The following HACD2 variants were observed in gnomAD, a reference collection of about 807,000 sequenced individuals.
The protein encoded by HACD2 is 3-hydroxyacyl-CoA dehydratase 2, also known as very-long-chain (3R)-3-hydroxyacyl-CoA dehydratase 2.
HACD2 carries 15 observed loss-of-function variants against 31.0 expected under a neutral mutation model. That is an observed-to-expected ratio of 0.48 (90% CI 0.32 to 0.75). HACD2 has a LOEUF of 0.75. Among genes scored for constraint, HACD2 ranks in the 30% least tolerant of loss-of-function variants. The pLI is 0.03. For synonymous variants in HACD2, 115 were observed against 122.2 expected (o/e 0.94, Z 0.39); for missense variants, 283 against 313.0 (o/e 0.90, Z 0.72).
At chr3:123,519,128 G>GC (rs1358949857) in intron 4 of HACD2, among the ~76,000 whole-genome samples, 1 of 151,594 alleles carries the variant, frequency 6.6e-6, no homozygotes, top group African/African-American at 2.4e-5. Context: ...AATGTGGCAA[G>GC]CCTAATAATT....
At chr3:123,564,616 A>G (rs2056771586) in intron 3 of HACD2, among the ~76,000 whole-genome samples, 1 of 152,136 alleles carries the variant, frequency 6.6e-6, no homozygotes, top group Non-Finnish European at 1.5e-5. Context: ...GGGAACAGAC[A>G]CCCAACTGCA....
chr3:123,546,019 T>C (rs2056555583), intron 3 of HACD2, among the ~76,000 whole-genome samples: 1 of 151,906 alleles, frequency 6.6e-6, no homozygotes, highest in African/African-American at 2.4e-5. Flanking sequence ...CTCAAATATA[T>C]CAAAAAAAAT....
At position 123,545,335 on chromosome 3, in the gene HACD2, AGCTGT is replaced by A. The variant is rs1315885251; in HGVS notation, c.293-16866_293-16862del. Among the ~76,000 whole-genome samples, 6 of 151,368 alleles carry A rather than the reference AGCTGT, an allele frequency of 4.0e-5. No individual in the cohort carries two copies. In the South Asian group the frequency reaches 1.3e-3, roughly 32 times the overall value. On this transcript the variant is annotated intron_variant, in intron 3 of 6. Transcript: ENST00000383657. ...CGTCTCTACTAAAAATACAAAAATT[AGCTGT>A]GCGTGGTGGCACATGCCTGTTATCC...
chr3:123,519,566 C>G (rs2056187584), intron 4 of HACD2, among the ~76,000 whole-genome samples: 1 of 152,214 alleles, frequency 6.6e-6, no homozygotes, highest in South Asian at 2.1e-4. Flanking sequence ...AGTTACCTGA[C>G]TGAATTCACT....
chr3:123,532,150 A>G (rs535943953), intron 3 of HACD2, among the ~76,000 whole-genome samples: 111 of 152,346 alleles, frequency 7.3e-4, no homozygotes, highest in African/African-American at 2.5e-3. Context: ...AGTAGTGAAC[A>G]AAAAGCTGAT....
chr3:123,539,304 T>C (rs2056460645), intron 3 of HACD2, among the ~76,000 whole-genome samples: 1 of 152,160 alleles, frequency 6.6e-6, no homozygotes, highest in Admixed American at 6.5e-5. Context: ...GCTTGGTGAT[T>C]CACGCCTGTA....
intron 3 of HACD2, among the ~76,000 whole-genome samples, chr3:123,553,831 A>T (rs887998559): frequency 2.0e-5 from 3 of 151,984 alleles, no homozygotes; most frequent in Non-Finnish European, 4.4e-5. Flanking sequence ...CAAGAGTCTC[A>T]TGTTTTCTGT....
intron 3 of HACD2, among the ~76,000 whole-genome samples, chr3:123,542,146 C>CAAAAAAAAAAA (rs11391480): frequency 2.4e-5 from 1 of 41,104 alleles, no homozygotes; most frequent in African/African-American, 1.7e-4. Context: ...GACTCCGTCT[C>CAAAAAAAAAAA]AAAAAAAAAA....
chr3:123,567,052 T>C (rs1184725787), intron 3 of HACD2, among the ~76,000 whole-genome samples: 1 of 152,212 alleles, frequency 6.6e-6, no homozygotes, highest in Non-Finnish European at 1.5e-5. Flanking sequence ...TTTCAGTGCT[T>C]CTAAGTATCA....
chr3:123,574,917 T>C lies in HACD2; in HGVS notation c.274-7137A>G, dbSNP rs561453045. 4.4e-3 allele frequency among the ~76,000 whole-genome samples: 663 copies of C among 152,268 alleles called. 7 individuals carry two copies. The highest frequency in any genetic ancestry group is 6.8e-3 in the Middle Eastern group (2 of 294). On this transcript the variant is annotated intron_variant, in intron 2 of 6. Transcript: ENST00000383657. Reference sequence around the variant, plus strand: ...ATTATCAATTTAAAAATTTATGAACTCTGGAGTGATACAAAATTTACATCG... The same window carrying C: ...ATTATCAATTTAAAAATTTATGAACCCTGGAGTGATACAAAATTTACATCG...
At chr3:123,544,355 G>C (rs894206415) in intron 3 of HACD2, among the ~76,000 whole-genome samples, 1 of 152,110 alleles carries the variant, frequency 6.6e-6, no homozygotes, top group Admixed American at 6.6e-5. Context: ...GAAAACGATA[G>C]GCAAATGAAT....
chr3:123,544,257 G>A (rs1402181040), intron 3 of HACD2, among the ~76,000 whole-genome samples: 4 of 152,176 alleles, frequency 2.6e-5, no homozygotes, highest in African/African-American at 9.7e-5. Context: ...GGCTGGGAAA[G>A]TGAAGAGAAG....
chr3:123,515,520 G>A (rs879321236), intron 4 of HACD2, among the ~76,000 whole-genome samples: 2 of 152,172 alleles, frequency 1.3e-5, no homozygotes, highest in Admixed American at 1.3e-4. Context: ...CAGCTCCTAA[G>A]GGGCTGCAGT....
intron 3 of HACD2, among the ~76,000 whole-genome samples, chr3:123,538,867 T>C (rs1306442200): frequency 6.6e-6 from 1 of 152,206 alleles, no homozygotes; most frequent in Non-Finnish European, 1.5e-5. Flanking sequence ...TGAGAGCCAA[T>C]TATATCATAT....
chr3:123,542,500 A>G (rs972844901), intron 3 of HACD2, among the ~76,000 whole-genome samples: 4 of 152,276 alleles, frequency 2.6e-5, no homozygotes, highest in Non-Finnish European at 5.9e-5. Flanking sequence ...AAGAATATTC[A>G]TATGTTTTGA....
At chr3:123,495,041 G>T in intron 6 of HACD2, 71 bp from the exon 7 acceptor site, 1 of 925,270 alleles carries the variant, frequency 1.1e-6, no homozygotes, top group Non-Finnish European at 1.7e-6. Context: ...AGCATATGAA[G>T]TTGAGGTCCT....
At position 123,583,430 on chromosome 3, in the gene HACD2, G is replaced by GT. The variant is rs201989071; in HGVS notation, c.156-1102dup. ...AATACACACAGTGAGATTCCTGGAT[G>GT]TTTTTTTAAAAATCAATCTATGTGA... On this transcript the variant is annotated intron_variant, in intron 1 of 6. Transcript: ENST00000383657. 5.4e-3 allele frequency among the ~76,000 whole-genome samples: 827 copies of GT among 152,190 alleles called. 9 individuals are homozygous for GT. The highest frequency in any genetic ancestry group is 0.019 in the African/African-American group (793 of 41,520).
At position 123,503,531 on chromosome 3, in the gene HACD2, A is replaced by G. The variant is rs2055933621; in HGVS notation, c.382-850T>C. Among the ~76,000 whole-genome samples, 7 of 152,184 alleles carry G rather than the reference A, an allele frequency of 4.6e-5. No individual in the cohort carries two copies. In the South Asian group the frequency reaches 1.5e-3, roughly 32 times the overall value. On this transcript the variant is annotated intron_variant, in intron 4 of 6. Transcript: ENST00000383657. ...ATGCTGAAAAAAACAATAAAGGTTT[A>G]AAAGAGCCCCTAGGTGATTTTTAGG...
intron 4 of HACD2, among the ~76,000 whole-genome samples, chr3:123,508,797 A>C (rs1194772454): frequency 6.6e-6 from 1 of 152,164 alleles, no homozygotes; most frequent in Non-Finnish European, 1.5e-5. Flanking sequence ...TGGGGGGCTT[A>C]AACAAGAGAA....
Sources: gnomAD v4.1 joint callset for allele counts (sites outside exome capture counted in the v4.1 genomes callset) on GRCh38, gnomAD v4.1.1 for gene constraint, MANE v1.5 for transcripts, NCBI Gene and HGNC (gene_info 2026-07-23, HGNC 2026-07-21) for gene names.